The following MAGI1 variants were observed in gnomAD, a reference collection of about 807,000 sequenced individuals.
The protein encoded by MAGI1 is membrane-associated guanylate kinase, WW and PDZ domain-containing protein 1.
In MAGI1, 58 loss-of-function variants were observed where a neutral mutation model predicts 139.9. The observed-to-expected ratio is 0.41, with a 90% confidence interval of 0.34 to 0.52. The LOEUF is 0.52. Among genes scored for constraint, MAGI1 ranks in the 20% least tolerant of loss-of-function variants. The pLI, the probability that MAGI1 is intolerant of heterozygous loss-of-function variation, is 0.12. For synonymous variants in MAGI1, 812 were observed against 737.9 expected, an observed-to-expected ratio of 1.10 and a Z score of -1.63; for missense variants, 1,874 against 1,901.6, an observed-to-expected ratio of 0.99 and a Z score of 0.27.
At chr3:65,577,896 A>AT (rs1459012015) in intron 2 of MAGI1, among the ~76,000 whole-genome samples, 1 of 151,990 alleles carries the variant, frequency 6.6e-6, no homozygotes, top group Non-Finnish European at 1.5e-5. Context: ...ACATTCTTTT[A>AT]TTTGCCTTTA....
chr3:65,992,151 A>C (rs538793893), intron 1 of MAGI1, among the ~76,000 whole-genome samples: 1 of 152,226 alleles, frequency 6.6e-6, no homozygotes, highest in East Asian at 1.9e-4. Context: ...TCACAAAACC[A>C]TAACATCCTC....
At chr3:66,036,748 T>G (rs543332717) in intron 1 of MAGI1, among the ~76,000 whole-genome samples, 1 of 152,178 alleles carries the variant, frequency 6.6e-6, no homozygotes, top group South Asian at 2.1e-4. Flanking sequence ...CCTGTCCTTA[T>G]GGAAACACAT....
At chr3:65,486,807 C>G (rs555619170) in intron 3 of MAGI1, among the ~76,000 whole-genome samples, 1 of 152,128 alleles carries the variant, frequency 6.6e-6, no homozygotes, top group African/African-American at 2.4e-5. Context: ...TTACAGCTGT[C>G]GGTGGATAGA....
chr3:66,006,244 T>C (rs956904107), intron 1 of MAGI1, among the ~76,000 whole-genome samples: 3 of 152,220 alleles, frequency 2.0e-5, no homozygotes, highest in East Asian at 1.9e-4. Flanking sequence ...ATATGAATAA[T>C]GTCAGCAAAT....
intron 2 of MAGI1, among the ~76,000 whole-genome samples, chr3:65,520,135 T>C (rs533915027): frequency 6.6e-6 from 1 of 152,178 alleles, no homozygotes; most frequent in African/African-American, 2.4e-5. Context: ...CCCCACCTAC[T>C]CTTCCTGAAA....
intron 1 of MAGI1, among the ~76,000 whole-genome samples, chr3:65,696,424 T>C (rs1454148865): frequency 6.6e-6 from 1 of 152,152 alleles, no homozygotes; most frequent in East Asian, 1.9e-4. Flanking sequence ...TAAAGGAATT[T>C]TATCCTTTAC....
At chr3:65,643,440 T>C (rs981928811) in intron 1 of MAGI1, among the ~76,000 whole-genome samples, 1 of 152,170 alleles carries the variant, frequency 6.6e-6, no homozygotes, top group Admixed American at 6.5e-5. Context: ...AGGGCAGACA[T>C]ACCTTTCCCT....
intron 1 of MAGI1, among the ~76,000 whole-genome samples, chr3:65,898,396 A>G (rs1265519787): frequency 1.3e-5 from 2 of 152,210 alleles, no homozygotes. Flanking sequence ...GGCATCATAA[A>G]AAGTAGGCAT....
At chr3:65,861,220 G>A (rs1414489006) in intron 1 of MAGI1, among the ~76,000 whole-genome samples, 1 of 152,218 alleles carries the variant, frequency 6.6e-6, no homozygotes, top group South Asian at 2.1e-4. Context: ...TGGAAACGTG[G>A]AGGCTGAAGA....
At position 65,470,369 on chromosome 3, in the gene MAGI1, T is replaced by G. The variant is rs755358043; in HGVS notation, c.873A>C (p.Leu291=). ...CTAAATTATCCTCTGCAGAAAGAGG[T>G]AGGTATTGAGGGAACTTCTGAGAAG... is the stretch of plus-strand genomic sequence containing the variant. The part of the protein sequence containing the change: ...TDPSQKFPQY[L]PLSAEDNLGP... Residue 291 remains leucine (L), a synonymous_variant, in exon 5 of 23, where the codon CTA becomes CTC. Transcript: ENST00000402939. 6.2e-7 allele frequency: 1 copy of G among 1,613,330 alleles called. No individual in the cohort carries two copies. The highest frequency in any genetic ancestry group is 1.1e-5 in the South Asian group (1 of 91,054).
At chr3:65,610,794 A>G (rs2083026744) in intron 2 of MAGI1, among the ~76,000 whole-genome samples, 1 of 140,336 alleles carries the variant, frequency 7.1e-6, no homozygotes, top group Non-Finnish European at 1.5e-5. Context: ...TAGTATATAT[A>G]GTATATATAG....
At chr3:65,796,756 C>T (rs1222560910) in intron 1 of MAGI1, among the ~76,000 whole-genome samples, 1 of 152,180 alleles carries the variant, frequency 6.6e-6, no homozygotes, top group African/African-American at 2.4e-5. Flanking sequence ...ATACTGTTGG[C>T]ATTGCAGACC....
At chr3:66,019,522 G>A (rs1384523688) in intron 1 of MAGI1, among the ~76,000 whole-genome samples, 1 of 152,204 alleles carries the variant, frequency 6.6e-6, no homozygotes, top group Non-Finnish European at 1.5e-5. Context: ...CAGTTTACTA[G>A]CTGTTAAGTT....
At chr3:65,651,966 T>C (rs953937077) in intron 1 of MAGI1, among the ~76,000 whole-genome samples, 8 of 152,192 alleles carry the variant, frequency 5.3e-5, no homozygotes, top group African/African-American at 1.7e-4. Flanking sequence ...CTAGCTATTA[T>C]GCTGAAGGGA....
At chr3:65,913,939 T>C (rs2061779678) in intron 1 of MAGI1, among the ~76,000 whole-genome samples, 1 of 152,028 alleles carries the variant, frequency 6.6e-6, no homozygotes, top group Non-Finnish European at 1.5e-5. Flanking sequence ...TAGAAAACAC[T>C]CACATGGACC....
intron 1 of MAGI1, among the ~76,000 whole-genome samples, chr3:65,689,103 A>G (rs973784101): frequency 6.6e-6 from 1 of 152,212 alleles, no homozygotes; most frequent in African/African-American, 2.4e-5. Flanking sequence ...ACAAATGGAA[A>G]CATCTGGAAA....
chr3:66,011,444 C>T (rs531644654), intron 1 of MAGI1, among the ~76,000 whole-genome samples: 198 of 152,210 alleles, frequency 1.3e-3, no homozygotes, highest in African/African-American at 4.5e-3. Flanking sequence ...CAAACATACA[C>T]CCCTATGTCA....
intron 1 of MAGI1, among the ~76,000 whole-genome samples, chr3:65,702,738 GTTTGT>G (rs1279462371): frequency 6.6e-6 from 1 of 152,070 alleles, no homozygotes; most frequent in Non-Finnish European, 1.5e-5. Context: ...TACTTATTTT[GTTTGT>G]TTTACTTACT....
At chr3:65,908,002 C>A (rs996558746) in intron 1 of MAGI1, among the ~76,000 whole-genome samples, 1 of 152,090 alleles carries the variant, frequency 6.6e-6, no homozygotes, top group Non-Finnish European at 1.5e-5. Context: ...GAAATTCTTA[C>A]GATTCATGGA....
Sources: allele counts gnomAD v4.1 joint callset (sites outside exome capture counted in the v4.1 genomes callset), GRCh38; gene constraint gnomAD v4.1.1; transcripts MANE v1.5; gene names NCBI Gene and HGNC (gene_info 2026-07-23, HGNC 2026-07-21).